CCT6B: variants seen among roughly 807,000 people sequenced by gnomAD.
The protein encoded by CCT6B is chaperonin containing TCP1 subunit 6B.
Under a neutral mutation model 61.5 loss-of-function variants are expected in CCT6B, and 49 were observed. The ratio of observed to expected loss-of-function variants is 0.80; its 90% CI spans 0.63 to 1.01. The LOEUF is 1.01. Ranked by LOEUF, CCT6B falls within the 50% of genes least tolerant of loss-of-function variation. The pLI is 0.00. For missense variants in CCT6B, 666 were observed against 634.7 expected, an observed-to-expected ratio of 1.05 and a Z score of -0.53; for synonymous variants, 228 against 214.5, an observed-to-expected ratio of 1.06 and a Z score of -0.55.
At chr17:34,943,031 T>C in intron 5 of CCT6B, 125 bp from the exon 6 acceptor site, 1 of 624,370 alleles carries the variant, frequency 1.6e-6, no homozygotes, top group South Asian at 2.6e-5. Context: ...GTACCAATTT[T>C]AACAGTTTTT....
intron 7 of CCT6B, among the ~76,000 whole-genome samples, chr17:34,941,966 A>G (rs1328464126): frequency 6.6e-6 from 1 of 151,970 alleles, no homozygotes; most frequent in Admixed American, 6.6e-5. Flanking sequence ...TGGGCCCAGG[A>G]GGTCAACGCT....
chr17:34,929,870 T>A (rs947735733), intron 12 of CCT6B, among the ~76,000 whole-genome samples: 17 of 152,142 alleles, frequency 1.1e-4, no homozygotes, highest in African/African-American at 4.1e-4. Flanking sequence ...CAGACCCATA[T>A]ATCCAACTTT....
chr17:34,938,880 C>T (rs2090125937), intron 10 of CCT6B, among the ~76,000 whole-genome samples: 1 of 152,106 alleles, frequency 6.6e-6, no homozygotes, highest in Non-Finnish European at 1.5e-5. Flanking sequence ...CCCAGGAGTT[C>T]GAGACCAGCC....
chr17:34,929,473 T>C (rs958015798), intron 12 of CCT6B, among the ~76,000 whole-genome samples: 2 of 149,366 alleles, frequency 1.3e-5, no homozygotes, highest in African/African-American at 4.9e-5. Context: ...TTGGGTGTTT[T>C]TGTTTTTTGT....
intron 2 of CCT6B, among the ~76,000 whole-genome samples, chr17:34,959,117 A>C (rs1295915854): frequency 7.7e-6 from 1 of 129,848 alleles, no homozygotes; most frequent in African/African-American, 2.8e-5. Flanking sequence ...CAGCCAAAAA[A>C]AAAAACTTTT....
chr17:34,956,388 C>T (rs1398239979), intron 3 of CCT6B, among the ~76,000 whole-genome samples: 1 of 152,182 alleles, frequency 6.6e-6, no homozygotes, highest in African/African-American at 2.4e-5. Context: ...TTACTTCCTC[C>T]AGAGAGTTCT....
intron 12 of CCT6B, among the ~76,000 whole-genome samples, chr17:34,930,586 C>G (rs1302665783): frequency 2.6e-5 from 4 of 152,144 alleles, no homozygotes; most frequent in Non-Finnish European, 5.9e-5. Context: ...CCCTCCTGTA[C>G]TAGCATTCAT....
intron 2 of CCT6B, among the ~76,000 whole-genome samples, chr17:34,959,123 C>CTTTT (rs11374610): frequency 2.5e-4 from 26 of 102,504 alleles, no homozygotes; most frequent in Admixed American, 3.9e-4. Flanking sequence ...AAAAAAAAAA[C>CTTTT]TTTTTTTTTT....
chr17:34,934,538 A>T (rs1201909798), intron 10 of CCT6B, among the ~76,000 whole-genome samples: 1 of 152,208 alleles, frequency 6.6e-6, no homozygotes, highest in Non-Finnish European at 1.5e-5. Flanking sequence ...GCTCATAGAT[A>T]GTAGTTGATG....
rs112019601 is a variant in CCT6B at position 34,947,986 on chromosome 17, A to G, written c.614+3964T>C. On this transcript the variant is annotated intron_variant, in intron 5 of 13. Coordinates refer to ENST00000314144, the MANE Select transcript of CCT6B (RefSeq NM_006584.4). ...GTGACACTCCGTCTCAAAAAAAAAA[A>G]AAAAAGAAAAAGAAGTAAGGCTAAG... Among the ~76,000 whole-genome samples the G allele has an allele frequency of 6.4e-3, 971 of 152,148 alleles. 12 individuals carry two copies. The highest frequency in any genetic ancestry group is 0.02 in the African/African-American group (838 of 41,520).
chr17:34,961,109 G>C, intron 1 of CCT6B, 148 bp downstream of exon 1: 2 of 1,033,004 alleles, frequency 1.9e-6, no homozygotes, highest in Non-Finnish European at 2.7e-6. Flanking sequence ...CCTGCACCAG[G>C]CGAGAAATAC....
intron 10 of CCT6B, among the ~76,000 whole-genome samples, chr17:34,936,691 T>C (rs2090098493): frequency 6.6e-6 from 1 of 151,958 alleles, no homozygotes; most frequent in Admixed American, 6.6e-5. Context: ...ATACATAAAA[T>C]ATATAGAGAT....
At chr17:34,935,335 GGT>G (rs2090081807) in intron 10 of CCT6B, among the ~76,000 whole-genome samples, 1 of 152,048 alleles carries the variant, frequency 6.6e-6, no homozygotes, top group Non-Finnish European at 1.5e-5. Context: ...TGGTGATAAT[GGT>G]TAGACAACAT....
At chr17:34,954,676 T>C (rs1259747946) in intron 3 of CCT6B, 77 bp from the exon 4 acceptor site, 1 of 1,241,748 alleles carries the variant, frequency 8.1e-7, no homozygotes, top group Non-Finnish European at 1.1e-6. Flanking sequence ...CTGATTATTA[T>C]GTTCAAAAAA....
rs1425064943 is a variant in CCT6B at position 34,959,287 on chromosome 17, C to CA, written c.201+299dup. ...TATAGGCGTATGTCACCACACTGAGCAAAATTTTTTTTTTTTTTTTTTTTT... is the reference window on the plus strand; with the variant it reads ...TATAGGCGTATGTCACCACACTGAGCAAAAATTTTTTTTTTTTTTTTTTTTT... On this transcript the variant is annotated intron_variant, in intron 2 of 13. Coordinates refer to ENST00000314144, the MANE Select transcript of CCT6B (RefSeq NM_006584.4). Among the ~76,000 whole-genome samples, 4 of 146,664 alleles carry CA rather than the reference C, an allele frequency of 2.7e-5. 1 individual carries two copies. The highest frequency in any genetic ancestry group is 6.8e-3 in the Middle Eastern group (2 of 292).
At chr17:34,928,195 T>C in intron 13 of CCT6B, 78 bp from the exon 14 acceptor site, 2 of 822,462 alleles carry the variant, frequency 2.4e-6, no homozygotes, top group Middle Eastern at 2.3e-4. Flanking sequence ...TTTACCTATG[T>C]AGGGTACTTT....
intron 4 of CCT6B, among the ~76,000 whole-genome samples, chr17:34,952,758 A>C (rs1408571610): frequency 1.3e-5 from 2 of 152,380 alleles, no homozygotes; most frequent in Middle Eastern, 3.4e-3. Flanking sequence ...TTAAGGGCTA[A>C]GTTATAACTA....
At chr17:34,956,466 G>A (rs914431978) in intron 3 of CCT6B, among the ~76,000 whole-genome samples, 6 of 152,036 alleles carry the variant, frequency 3.9e-5, no homozygotes, top group East Asian at 3.9e-4. Context: ...TACTGTGCCC[G>A]GCTCTATCAC....
rs1245052974 is a variant in CCT6B, at chr17:34,952,068, A to G, written c.511-15T>C. The G allele has an allele frequency of 2.0e-6, 3 of 1,476,776 alleles. No homozygotes were observed. The highest frequency in any genetic ancestry group is 2.8e-5 in the African/African-American group (2 of 71,974). 91.5% of individuals were successfully genotyped at this position (1,476,776 alleles called of 1,614,324 possible). ...TCCACCACAACCTGAAAGAGAAATG[A>G]ATGAGAACAGTTAAGTTATTTGGAC... On this transcript the variant is annotated splice_polypyrimidine_tract_variant and intron_variant, in intron 4 of 13. Transcript: ENST00000314144.
Sources: allele counts gnomAD v4.1 joint callset (sites outside exome capture counted in the v4.1 genomes callset), GRCh38; gene constraint gnomAD v4.1.1; transcripts MANE v1.5; gene names NCBI Gene and HGNC (gene_info 2026-07-23, HGNC 2026-07-21).